SLC49A4: variants seen among roughly 807,000 people sequenced by gnomAD.
SLC49A4 encodes the protein solute carrier family 49 member 4.
SLC49A4 carries 36 observed loss-of-function variants against 50.6 expected under a neutral mutation model. That is an observed-to-expected ratio of 0.71 (90% CI 0.55 to 0.94). SLC49A4 has a LOEUF of 0.94. SLC49A4 is among the 40% of genes least tolerant of loss of function. The probability of loss-of-function intolerance (pLI) is 0.00; values close to 1 mark genes in which losing one functional copy is unlikely to be tolerated. For synonymous variants in SLC49A4, 248 were observed against 241.2 expected (o/e 1.03, Z -0.26); for missense variants, 503 against 605.7 (o/e 0.83, Z 1.78).
At chr3:122,805,727 G>C (rs1022822862) in intron 1 of SLC49A4, among the ~76,000 whole-genome samples, 2 of 152,208 alleles carry the variant, frequency 1.3e-5, no homozygotes, top group Non-Finnish European at 2.9e-5. Flanking sequence ...TAGGAGGATA[G>C]AGTTCTGTTA....
At chr3:122,834,925 C>G (rs896731113) in intron 4 of SLC49A4, among the ~76,000 whole-genome samples, 3 of 152,076 alleles carry the variant, frequency 2.0e-5, no homozygotes, top group African/African-American at 7.2e-5. Context: ...ATGAACACCT[C>G]TATGGACACA....
At chr3:122,825,537 T>C (rs1417299998) in intron 2 of SLC49A4, among the ~76,000 whole-genome samples, 1 of 151,926 alleles carries the variant, frequency 6.6e-6, no homozygotes, top group East Asian at 1.9e-4. Context: ...TCCCACTCAC[T>C]TCTGTTTCTA....
chr3:122,832,749 A>C (rs1936624106), intron 3 of SLC49A4, among the ~76,000 whole-genome samples: 1 of 152,212 alleles, frequency 6.6e-6, no homozygotes, highest in South Asian at 2.1e-4. Flanking sequence ...TCTGTGTGCC[A>C]TAGTATCAGC....
At chr3:122,860,444 A>G (rs917426648) in intron 7 of SLC49A4, among the ~76,000 whole-genome samples, 1 of 152,246 alleles carries the variant, frequency 6.6e-6, no homozygotes, top group East Asian at 1.9e-4. Context: ...CACATAGAGC[A>G]TGGAAATGCT....
Position 122,847,207 on chromosome 3 carries a change from A to T in SLC49A4, c.942+1336A>T, listed in dbSNP as rs545676838. On this transcript the variant is annotated intron_variant, in intron 5 of 8. Coordinates refer to ENST00000261038, the MANE Select transcript of SLC49A4 (RefSeq NM_032839.3). Reference sequence around the variant, plus strand: ...GGAGAGAGTTTGGAGATCTATCCTTATAAAGTACAAAATGAGGCCTACACA... The same window carrying T: ...GGAGAGAGTTTGGAGATCTATCCTTTTAAAGTACAAAATGAGGCCTACACA... Among the ~76,000 whole-genome samples the T allele has an allele frequency of 2.0e-5, 3 of 149,024 alleles. No homozygotes were observed. The Admixed American group carries it at 2.4e-4, about 12-fold the overall frequency.
intron 4 of SLC49A4, 104 bp from the exon 5 acceptor site, chr3:122,845,659 C>G (rs1478228043): frequency 4.5e-5 from 4 of 88,264 alleles, no homozygotes; most frequent in Non-Finnish European, 6.1e-5. Context: ...CAGATATTTT[C>G]TGATTCTGGT....
chr3:122,878,535 TGA>T (rs1937293577), intron 8 of SLC49A4, among the ~76,000 whole-genome samples: 2 of 152,150 alleles, frequency 1.3e-5, no homozygotes, highest in Non-Finnish European at 2.9e-5. Context: ...CCTGAATTCA[TGA>T]GAGAGCATTT....
chr3:122,804,773 C>T (rs931907131), intron 1 of SLC49A4, among the ~76,000 whole-genome samples: 2 of 152,238 alleles, frequency 1.3e-5, no homozygotes, highest in South Asian at 4.1e-4. Flanking sequence ...GCGTGAACCA[C>T]AGTGCCTGGC....
At position 122,879,353 on chromosome 3, in the gene SLC49A4, A is replaced by T. The variant is rs757007238; in HGVS notation, c.1412A>T (p.Tyr471Phe). Residue 471 changes from tyrosine (Y) to phenylalanine (F), a missense_variant, in exon 9 of 9, where the codon TAT becomes TTT. By Grantham distance (22) the Tyr-to-Phe change is conservative. Coordinates refer to ENST00000261038, the MANE Select transcript of SLC49A4 (RefSeq NM_032839.3). ...TTCAGGGAATCCTATGACAGACTCT[A>T]TCTTGATGTGGTTGTCTCCGTTTAA... ...LCFRESYDRLYLDVVVSV is the reference protein window; with the variant it reads ...LCFRESYDRLFLDVVVSV The T allele has an allele frequency of 2.0e-5, 33 of 1,613,874 alleles. No homozygotes were observed. In the East Asian group the frequency reaches 7.4e-4, roughly 36 times the overall value.
At chr3:122,804,897 C>A (rs1183589747) in intron 1 of SLC49A4, among the ~76,000 whole-genome samples, 1 of 152,158 alleles carries the variant, frequency 6.6e-6, no homozygotes, top group Admixed American at 6.5e-5. Flanking sequence ...AGTATGGTAG[C>A]CTTCAGCAGT....
chr3:122,859,490 A>T (rs1184787705), intron 6 of SLC49A4, among the ~76,000 whole-genome samples: 1 of 152,168 alleles, frequency 6.6e-6, no homozygotes, highest in Admixed American at 6.5e-5. Flanking sequence ...AAGATAATAC[A>T]TGTTCATTAT....
At chr3:122,822,652 G>A (rs929930840) in intron 2 of SLC49A4, among the ~76,000 whole-genome samples, 5 of 152,080 alleles carry the variant, frequency 3.3e-5, no homozygotes, top group African/African-American at 9.7e-5. Context: ...CTTGGAACTC[G>A]TCTCTCTTTA....
chr3:122,848,965 C>A (rs1936890970), intron 5 of SLC49A4, among the ~76,000 whole-genome samples: 2 of 152,144 alleles, frequency 1.3e-5, no homozygotes, highest in South Asian at 4.1e-4. Context: ...TTCATCCTCC[C>A]ACCCTTCTTC....
intron 4 of SLC49A4, among the ~76,000 whole-genome samples, chr3:122,843,990 C>A (rs570343306): frequency 1.2e-3 from 185 of 152,214 alleles, no homozygotes; most frequent in African/African-American, 4.2e-3. Context: ...CATTGTGTAC[C>A]CAGATTGCCT....
intron 4 of SLC49A4, among the ~76,000 whole-genome samples, chr3:122,839,832 A>G (rs532495483): frequency 3.3e-5 from 5 of 152,264 alleles, no homozygotes; most frequent in African/African-American, 4.8e-5. Context: ...CAGTATGGAG[A>G]TTCCTTAAAG....
chr3:122,814,242 T>A (rs1936335493), intron 2 of SLC49A4, among the ~76,000 whole-genome samples: 1 of 152,182 alleles, frequency 6.6e-6, no homozygotes, highest in Non-Finnish European at 1.5e-5. Context: ...CACTCCAGCC[T>A]GGGCCACAGA....
At chr3:122,876,170 A>G (rs1457351985) in intron 8 of SLC49A4, among the ~76,000 whole-genome samples, 1 of 152,214 alleles carries the variant, frequency 6.6e-6, no homozygotes, top group Non-Finnish European at 1.5e-5. Context: ...GCTTTATTCT[A>G]ATGATGTCAC....
chr3:122,819,384 C>G (rs1362896573), intron 2 of SLC49A4, among the ~76,000 whole-genome samples: 1 of 151,892 alleles, frequency 6.6e-6, no homozygotes, highest in East Asian at 1.9e-4. Context: ...GATAGCTAAT[C>G]TAATATTATT....
intron 4 of SLC49A4, among the ~76,000 whole-genome samples, chr3:122,841,673 T>C (rs1249331384): frequency 2.0e-5 from 3 of 152,242 alleles, no homozygotes; most frequent in South Asian, 2.1e-4. Context: ...CTATGTAATA[T>C]TGTTTTCCAA....
Sources: gnomAD v4.1 joint callset for allele counts (sites outside exome capture counted in the v4.1 genomes callset) on GRCh38, gnomAD v4.1.1 for gene constraint, MANE v1.5 for transcripts, NCBI Gene and HGNC (gene_info 2026-07-23, HGNC 2026-07-21) for gene names.